GCNT2: variants seen among roughly 807,000 people sequenced by gnomAD.
GCNT2 encodes the protein N-acetyllactosaminide beta-1,6-N-acetylglucosaminyl-transferase.
In GCNT2, 34 loss-of-function variants were observed where a neutral mutation model predicts 34.2. The observed-to-expected ratio is 1.00, with a 90% CI of 0.76 to 1.32. GCNT2 has a LOEUF of 1.32. GCNT2 is among the 40% of genes most tolerant of loss of function. The probability of loss-of-function intolerance (pLI) is 0.00; values close to 1 mark genes in which losing one functional copy is unlikely to be tolerated. For synonymous variants in GCNT2, 212 were observed against 188.0 expected (o/e 1.13, Z -1.04); for missense variants, 584 against 489.4 (o/e 1.19, Z -1.82).
intron 3 of GCNT2, chr6:10,557,381 C>A: frequency 6.6e-7 from 1 of 1,526,548 alleles, no homozygotes; most frequent in South Asian, 1.1e-5. Context: ...AGAAATGTGT[C>A]GTATTTGAAA....
intron 3 of GCNT2, among the ~76,000 whole-genome samples, chr6:10,569,700 C>G (rs1249478361): frequency 6.6e-6 from 1 of 152,202 alleles, no homozygotes; most frequent in East Asian, 1.9e-4. Context: ...TTTGCAGTCT[C>G]AGCTATGCCC....
chr6:10,529,249 T>C lies in GCNT2; in HGVS notation c.338T>C (p.Leu113Pro). The change falls in exon 3 of 5, where the codon CTC becomes CCC. Residue 113 changes from leucine (L) to proline (P), a missense_variant. By Grantham distance (98) the Leu-to-Pro change is moderately conservative. Coordinates refer to ENST00000495262, the MANE Select transcript of GCNT2 (RefSeq NM_145649.5). ...IHKDFGTFER[L>P]FRAIYMPQNV... ...AAAGACTTCGGCACTTTTGAGAGGCTCTTCAGGGCGATTTATATGCCCCAA... is the reference window on the plus strand; with the variant it reads ...AAAGACTTCGGCACTTTTGAGAGGCCCTTCAGGGCGATTTATATGCCCCAA... 1 of 1,614,162 alleles carries C rather than the reference T, an allele frequency of 6.2e-7. No individual in the cohort carries two copies. The highest frequency in any genetic ancestry group is 8.5e-7 in the Non-Finnish European group (1 of 1,180,022).
intron 4 of GCNT2, among the ~76,000 whole-genome samples, chr6:10,623,107 T>A (rs1319933302): frequency 2.6e-5 from 4 of 151,980 alleles, no homozygotes; most frequent in Non-Finnish European, 5.9e-5. Context: ...TCCAAGTTGC[T>A]CCATCTCTAC....
At chr6:10,626,380 C>G (rs1213293891) in intron 4 of GCNT2, 37 bp from the exon 5 acceptor site, 3 of 1,459,160 alleles carry the variant, frequency 2.1e-6, no homozygotes, top group Non-Finnish European at 2.9e-6. Context: ...TGAAAGCAAG[C>G]ATGTTTTGAC....
At chr6:10,582,276 A>AT (rs1165094009) in intron 3 of GCNT2, among the ~76,000 whole-genome samples, 1 of 109,092 alleles carries the variant, frequency 9.2e-6, no homozygotes, top group Non-Finnish European at 1.7e-5. Flanking sequence ...TATTAAATAT[A>AT]TAAATATATA....
At chr6:10,625,316 A>G (rs1766209907) in intron 4 of GCNT2, among the ~76,000 whole-genome samples, 1 of 152,166 alleles carries the variant, frequency 6.6e-6, no homozygotes, top group Non-Finnish European at 1.5e-5. Context: ...CTTCTCTTCA[A>G]AAATCTTTAA....
At chr6:10,576,536 A>G (rs1763821127) in intron 3 of GCNT2, among the ~76,000 whole-genome samples, 1 of 152,178 alleles carries the variant, frequency 6.6e-6, no homozygotes, top group African/African-American at 2.4e-5. Flanking sequence ...AAAAACAAAA[A>G]TCTATTCAAG....
chr6:10,534,645 G>T (rs1347083263), intron 3 of GCNT2, among the ~76,000 whole-genome samples: 2 of 152,078 alleles, frequency 1.3e-5, no homozygotes, highest in East Asian at 3.9e-4. Flanking sequence ...GGGTGGCAGG[G>T]TCATGTGGTT....
rs567436568 is a variant in GCNT2, at chr6:10,541,175, G to A, written c.925+11339G>A. Among the ~76,000 whole-genome samples the A allele has an allele frequency of 5.3e-5, 8 of 152,056 alleles. No individual in the cohort carries two copies. In the South Asian group the frequency reaches 1.0e-3, roughly 20 times the overall value. On this transcript the variant is annotated intron_variant, in intron 3 of 4. Transcript: ENST00000495262. ...TTCCTGATGCTTTCCCTCTGCCAAC[G>A]CCCCCCACCAGCCCCAGTATGTGTT...
chr6:10,552,859 A>G (rs985403563), intron 3 of GCNT2, among the ~76,000 whole-genome samples: 5 of 152,198 alleles, frequency 3.3e-5, no homozygotes, highest in African/African-American at 1.2e-4. Flanking sequence ...GACTTCTTCA[A>G]TGACAGAGCA....
chr6:10,562,520 C>T (rs1001423004), intron 3 of GCNT2, among the ~76,000 whole-genome samples: 10 of 151,898 alleles, frequency 6.6e-5, no homozygotes, highest in African/African-American at 2.4e-4. Flanking sequence ...GAGTTTGAGA[C>T]CAGCCTGGGC....
At chr6:10,591,232 T>G (rs1187933877) in intron 3 of GCNT2, among the ~76,000 whole-genome samples, 1 of 152,238 alleles carries the variant, frequency 6.6e-6, no homozygotes, top group Non-Finnish European at 1.5e-5. Context: ...TGCACCTGCC[T>G]GATCTGATGA....
intron 3 of GCNT2, among the ~76,000 whole-genome samples, chr6:10,601,943 G>GAAAAAAAAAAAAAAAAA (rs57927445): frequency 8.8e-6 from 1 of 113,052 alleles, no homozygotes. Context: ...TCCATCTCAA[G>GAAAAAAAAAAAAAAAAA]AAAAAAAAAA....
In GCNT2 at chr6:10,595,279, C is replaced by CT. The variant is rs200254391; in HGVS notation, c.926-26063dup. ...GGAATTGTGTTGCTTTATTTTCTTT[C>CT]TTTTTTTTTAATTTTTTGAGACGGA... On this transcript the variant is annotated intron_variant, in intron 3 of 4. Transcript: ENST00000495262. Among the ~76,000 whole-genome samples the CT allele has an allele frequency of 7.0e-3, 1,056 of 150,734 alleles. 10 individuals are homozygous for CT. The highest frequency in any genetic ancestry group is 0.019 in the African/African-American group (783 of 41,110).
At chr6:10,605,524 A>C (rs909466199) in intron 3 of GCNT2, among the ~76,000 whole-genome samples, 2 of 151,816 alleles carry the variant, frequency 1.3e-5, no homozygotes, top group Non-Finnish European at 2.9e-5. Context: ...AGGATATTTT[A>C]AAAAAATACC....
At chr6:10,594,220 G>T (rs978693691) in intron 3 of GCNT2, among the ~76,000 whole-genome samples, 13 of 152,168 alleles carry the variant, frequency 8.5e-5, no homozygotes, top group Non-Finnish European at 1.5e-4. Flanking sequence ...CTTCTCATCT[G>T]GGGGCCACAC....
intron 3 of GCNT2, among the ~76,000 whole-genome samples, chr6:10,583,503 C>T (rs965376811): frequency 4.6e-5 from 7 of 152,078 alleles, no homozygotes; most frequent in South Asian, 4.2e-4. Context: ...CCTTACCGTC[C>T]GCATCAATCC....
intron 3 of GCNT2, among the ~76,000 whole-genome samples, chr6:10,537,146 TATCAAGAAAAC>T (rs1257309482): frequency 1.3e-5 from 2 of 152,290 alleles, no homozygotes; most frequent in East Asian, 3.9e-4. Context: ...ATAGGTAGAT[TATCAAGAAAAC>T]AATGGCATTA....
chr6:10,529,793 C>A lies in GCNT2; in HGVS notation c.882C>A (p.Tyr294Ter). ...TACTCTCCTGGTCCAAGGACACCTACAGCCCCGACGAACATTTCTGGGTGA... is the reference window on the plus strand; with the variant it reads ...TACTCTCCTGGTCCAAGGACACCTAAAGCCCCGACGAACATTTCTGGGTGA... Reference protein sequence around the residue: ...LDLLSWSKDTYSPDEHFWVTL... With the variant: ...LDLLSWSKDT The change falls in exon 3 of 5, where the codon TAC becomes TAA. Residue 294 changes from tyrosine (Y) to a stop codon, truncating the protein, a stop_gained. Coordinates refer to ENST00000495262, the MANE Select transcript of GCNT2 (RefSeq NM_145649.5). LOFTEE classifies it high-confidence loss of function. The A allele has an allele frequency of 1.2e-6, 2 of 1,614,164 alleles. No homozygotes were observed. The highest frequency in any genetic ancestry group is 1.7e-6 in the Non-Finnish European group (2 of 1,179,988).
Sources: allele counts gnomAD v4.1 joint callset (sites outside exome capture counted in the v4.1 genomes callset), GRCh38; gene constraint gnomAD v4.1.1; transcripts MANE v1.5; gene names NCBI Gene and HGNC (gene_info 2026-07-23, HGNC 2026-07-21).